Variants in CSGALNACT1 observed in about 807,000 individuals in gnomAD.
CSGALNACT1 encodes the protein beta4GalNAcT-1.
In CSGALNACT1, 52 loss-of-function variants were observed where a neutral mutation model predicts 51.0. The ratio of observed to expected loss-of-function variants is 1.02; its 90% confidence interval spans 0.82 to 1.29. The LOEUF is 1.29. CSGALNACT1 is among the 50% of genes most tolerant of loss of function. CSGALNACT1 has a pLI of 0.00. For synonymous variants in CSGALNACT1, 341 were observed against 254.4 expected (o/e 1.34, Z -3.24); for missense variants, 935 against 679.2 (o/e 1.38, Z -4.19).
At chr8:19,571,473 C>CA (rs5889875) in intron 3 of CSGALNACT1, among the ~76,000 whole-genome samples, 1,824 of 136,392 alleles carry the variant, frequency 0.013, 11 homozygotes, top group African/African-American at 0.027. Flanking sequence ...AAAACAAAAA[C>CA]AAAAAAAAAA....
chr8:19,461,752 TCACCATGG>T (rs2065501720), intron 4 of CSGALNACT1, among the ~76,000 whole-genome samples: 2 of 151,162 alleles, frequency 1.3e-5, no homozygotes, highest in African/African-American at 2.4e-5. Flanking sequence ...GCGGCCACAT[TCACCATGG>T]AGGGCGTATC....
upstream of CSGALNACT1, among the ~76,000 whole-genome samples, chr8:19,604,893 C>A (rs11997433): frequency 0.013 from 1,751 of 135,376 alleles, 35 homozygotes; most frequent in African/African-American, 0.045. Flanking sequence ...CCAGCCTGGG[C>A]GACAGAGCAA....
At chr8:19,612,911 T>C (rs2052468083) in intron 1 of CSGALNACT1, among the ~76,000 whole-genome samples, 2 of 119,220 alleles carry the variant, frequency 1.7e-5, no homozygotes, top group Non-Finnish European at 3.2e-5. Context: ...TAAAACCTTC[T>C]CCTTTATCAC....
chr8:19,473,428 C>T (rs938355081), intron 4 of CSGALNACT1, among the ~76,000 whole-genome samples: 1 of 152,204 alleles, frequency 6.6e-6, no homozygotes, highest in African/African-American at 2.4e-5. Flanking sequence ...TCCGCCGTCA[C>T]TAACATGATT....
At chr8:19,405,918 G>T in exon 10 of CSGALNACT1, 1 of 1,614,110 alleles carries the variant, frequency 6.2e-7, no homozygotes, top group African/African-American at 1.3e-5. Context: ...TGTACTGCTC[G>T]GGGGTCAGCT....
intron 3 of CSGALNACT1, among the ~76,000 whole-genome samples, chr8:19,575,798 A>G (rs2044069834): frequency 6.6e-6 from 1 of 152,154 alleles, no homozygotes; most frequent in Admixed American, 6.5e-5. Context: ...GAAACAAAAT[A>G]AAAGTTGCGG....
At chr8:19,408,738 A>G (rs1296396028) in intron 8 of CSGALNACT1, 44 bp from the exon 8 acceptor site, 2 of 1,570,488 alleles carry the variant, frequency 1.3e-6, no homozygotes. Context: ...TTTAGGGTGG[A>G]CAAAAATAGA....
chr8:19,447,245 C>G (rs1341557172), intron 5 of CSGALNACT1, among the ~76,000 whole-genome samples: 2 of 152,206 alleles, frequency 1.3e-5, no homozygotes, highest in African/African-American at 4.8e-5. Flanking sequence ...AGGAATGCAT[C>G]TGTTAAGTCT....
intron 1 of CSGALNACT1, among the ~76,000 whole-genome samples, chr8:19,648,343 C>G (rs2057463638): frequency 6.6e-6 from 1 of 152,186 alleles, no homozygotes; most frequent in African/African-American, 2.4e-5. Context: ...CAGGCACTCT[C>G]ATTCTCTGCT....
At chr8:19,667,096 AAAGG>A (rs1356330473) in intron 1 of CSGALNACT1, among the ~76,000 whole-genome samples, 5,728 of 117,264 alleles carry the variant, frequency 0.049, 1,071 homozygotes, top group African/African-American at 0.075. Context: ...AGAAAGAAAG[AAAGG>A]GAAAGAAATC....
At chr8:19,662,557 T>G (rs1401424978) in intron 1 of CSGALNACT1, among the ~76,000 whole-genome samples, 2 of 152,200 alleles carry the variant, frequency 1.3e-5, no homozygotes, top group African/African-American at 4.8e-5. Flanking sequence ...TAACTATGCT[T>G]TACTAGGAAG....
chr8:19,538,996 G>A (rs1464454794), intron 3 of CSGALNACT1, among the ~76,000 whole-genome samples: 3 of 152,124 alleles, frequency 2.0e-5, no homozygotes, highest in Non-Finnish European at 4.4e-5. Flanking sequence ...AAGACCTTGT[G>A]CTGGGCATAC....
At chr8:19,660,583 G>A (rs953823200) in intron 1 of CSGALNACT1, among the ~76,000 whole-genome samples, 1 of 152,104 alleles carries the variant, frequency 6.6e-6, no homozygotes, top group Non-Finnish European at 1.5e-5. Context: ...TCTGGTCCTG[G>A]TACATCTAAA....
intron 6 of CSGALNACT1, among the ~76,000 whole-genome samples, chr8:19,428,459 C>T (rs78204245): frequency 6.6e-6 from 1 of 152,234 alleles, no homozygotes; most frequent in African/African-American, 2.4e-5. Context: ...TATTCACCAC[C>T]ATGAGAACTG....
At chr8:19,609,557 A>C (rs2051894805) in intron 1 of CSGALNACT1, among the ~76,000 whole-genome samples, 1 of 151,706 alleles carries the variant, frequency 6.6e-6, no homozygotes, top group South Asian at 2.1e-4. Context: ...ATGGATCGTA[A>C]TTATGCCAAG....
At chr8:19,730,500 G>A (rs943482714) in intron 1 of CSGALNACT1, among the ~76,000 whole-genome samples, 2 of 152,190 alleles carry the variant, frequency 1.3e-5, no homozygotes, top group Non-Finnish European at 2.9e-5. Context: ...CTGCTATTCT[G>A]AATGGACTTT....
At chr8:19,499,208 C>T (rs2076005080) in intron 4 of CSGALNACT1, among the ~76,000 whole-genome samples, 1 of 152,246 alleles carries the variant, frequency 6.6e-6, no homozygotes, top group South Asian at 2.1e-4. Flanking sequence ...CTGTCCTATA[C>T]TCTGGGCTTG....
intron 1 of CSGALNACT1, among the ~76,000 whole-genome samples, chr8:19,681,492 GGGA>G (rs1321434742): frequency 6.6e-6 from 1 of 152,200 alleles, no homozygotes; most frequent in Non-Finnish European, 1.5e-5. Context: ...CTAGGGACCT[GGGA>G]GGAGAGAGGT....
chr8:19,667,095 GAA>G (rs1332448800), intron 1 of CSGALNACT1, among the ~76,000 whole-genome samples: 4 of 119,786 alleles, frequency 3.3e-5, no homozygotes, highest in African/African-American at 6.5e-5. Flanking sequence ...AAGAAAGAAA[GAA>G]AGGGAAAGAA....
Sources: allele counts gnomAD v4.1 joint callset (sites outside exome capture counted in the v4.1 genomes callset), GRCh38; gene constraint gnomAD v4.1.1; transcripts MANE v1.5; gene names NCBI Gene and HGNC (gene_info 2026-07-23, HGNC 2026-07-21).